Variants in BCORL1 observed in about 807,000 individuals in gnomAD.
BCORL1 encodes the protein BCL-6 corepressor-like protein 1.
In BCORL1, 7 loss-of-function variants were observed where a neutral mutation model predicts 87.6. The observed-to-expected ratio is 0.08, with a 90% CI of 0.05 to 0.15. The LOEUF is 0.15. Ranked by LOEUF, BCORL1 falls within the 10% of genes least tolerant of loss-of-function variation. BCORL1 has a pLI of 1.00. For synonymous variants in BCORL1, 591 were observed against 634.4 expected (o/e 0.93, Z 1.03); for missense variants, 1,215 against 1,499.7 (o/e 0.81, Z 3.13).
At chrX:130,051,692 A>T (rs1469181510) in intron 12 of BCORL1, among the ~76,000 whole-genome samples, 168 bp from the exon 13 acceptor site, 1 of 112,069 alleles carries the variant, frequency 8.9e-6, no homozygotes, top group Admixed American at 9.5e-5. Flanking sequence ...CCTCTGAAGG[A>T]TGTGAGCCAT....
chrX:129,997,936 G>C (rs1271431905), intron 1 of BCORL1, among the ~76,000 whole-genome samples: 2 of 106,921 alleles, frequency 1.9e-5, no homozygotes, highest in Non-Finnish European at 3.8e-5. Flanking sequence ...CTGGGATCTT[G>C]GGTAGGCCTT....
chrX:130,017,437 C>T (rs1433317318), intron 4 of BCORL1, among the ~76,000 whole-genome samples: 1 of 110,821 alleles, frequency 9.0e-6, no homozygotes, highest in African/African-American at 3.3e-5. Context: ...TGTGTTTTTA[C>T]ATTTGTTATC....
chrX:130,013,002 A>C lies in BCORL1; in HGVS notation c.230A>C (p.Asp77Ala). Residue 77 changes from aspartate to alanine, a missense_variant, in exon 4 of 14, where the codon GAT (aspartate) becomes GCT (alanine). By Grantham distance (126) the Asp-to-Ala change is moderately radical (BLOSUM62 -2). Transcript: ENST00000540052. The part of the protein sequence containing the change: ...SGSNARGADP[D>A]GSATEKLGHK... ...AGCAATGCCCGGGGGGCAGACCCAG[A>C]TGGCAGTGCTACAGAAAAACTTGGG... 6.6e-6 allele frequency: 8 copies of C among 1,207,076 alleles called. 1 individual carries two copies. Among genetic ancestry groups the C allele is most frequent in the Non-Finnish European group, 9.0e-6 (8 of 891,860 alleles).
At chrX:129,998,009 A>AT (rs1409388043) in intron 1 of BCORL1, among the ~76,000 whole-genome samples, 11 of 99,240 alleles carry the variant, frequency 1.1e-4, no homozygotes, top group South Asian at 4.5e-4. Context: ...ATATATATGT[A>AT]TTTTTTTTTC....
chrX:130,044,477 T>A (rs909609478), intron 11 of BCORL1, among the ~76,000 whole-genome samples: 1 of 110,421 alleles, frequency 9.1e-6, no homozygotes, highest in Non-Finnish European at 1.9e-5. Flanking sequence ...TGGAAAGTTG[T>A]CGGGGGAATC....
At chrX:130,043,774 ATATATATATATT>A (rs1931530537) in intron 11 of BCORL1, among the ~76,000 whole-genome samples, 1 of 20,158 alleles carries the variant, frequency 5.0e-5, no homozygotes, top group African/African-American at 3.7e-4. Flanking sequence ...ATATATATAT[ATATATATATATT>A]TTTTTTTTTT....
At chrX:129,998,455 G>A (rs1927738801) in intron 1 of BCORL1, among the ~76,000 whole-genome samples, 1 of 111,650 alleles carries the variant, frequency 9.0e-6, no homozygotes, top group African/African-American at 3.3e-5. Context: ...CAGCGCTTAC[G>A]AAGTGTGGCA....
At chrX:130,051,839 C>G (rs745340681) in intron 12 of BCORL1, 21 bp from the exon 13 acceptor site, 1 of 1,161,834 alleles carries the variant, frequency 8.6e-7, no homozygotes, top group East Asian at 3.0e-5. Flanking sequence ...AGTCCTAATC[C>G]CCTATATGCT....
chrX:129,986,734 G>T (rs182579498), intron 1 of BCORL1, among the ~76,000 whole-genome samples: 98 of 111,779 alleles, frequency 8.8e-4, no homozygotes, highest in African/African-American at 3.1e-3. Context: ...CACAAGAATT[G>T]CTTGAACCTG....
chrX:130,033,201 C>T (rs1930734798), intron 8 of BCORL1, among the ~76,000 whole-genome samples: 1 of 109,933 alleles, frequency 9.1e-6, no homozygotes, highest in Non-Finnish European at 1.9e-5. Context: ...CATGCCTCAG[C>T]CTCCTGAGTA....
chrX:130,034,922 G>A (rs761158846), intron 9 of BCORL1, among the ~76,000 whole-genome samples: 1 of 111,665 alleles, frequency 9.0e-6, no homozygotes, highest in Admixed American at 9.6e-5. Context: ...GACCAGGAAC[G>A]CAATTTTTGG....
chrX:129,997,794 C>CAAAAAA, intron 1 of BCORL1, among the ~76,000 whole-genome samples: 1 of 28,971 alleles, frequency 3.5e-5, no homozygotes, highest in Non-Finnish European at 6.5e-5. Context: ...TCCGACTCAC[C>CAAAAAA]AAAAAAAAAA....
intron 4 of BCORL1, among the ~76,000 whole-genome samples, chrX:130,019,002 C>A (rs1319967741): frequency 8.9e-6 from 1 of 112,067 alleles, no homozygotes; most frequent in African/African-American, 3.2e-5. Context: ...TCCTAAAGGG[C>A]CTTCTGCATC....
At chrX:130,054,866 G>A (rs1478478744) in intron 13 of BCORL1, among the ~76,000 whole-genome samples, 2 of 110,974 alleles carry the variant, frequency 1.8e-5, no homozygotes, top group Non-Finnish European at 3.8e-5. Flanking sequence ...AGCCGAGATT[G>A]CGCCACTGCA....
At chrX:130,002,469 G>A (rs1315535682) in intron 1 of BCORL1, among the ~76,000 whole-genome samples, 2 of 103,434 alleles carry the variant, frequency 1.9e-5, no homozygotes, top group Non-Finnish European at 3.9e-5. Context: ...AGGCAGACTA[G>A]GAGGAAAAGA....
chrX:130,050,330 C>T (rs964363880), intron 11 of BCORL1, among the ~76,000 whole-genome samples: 3 of 109,105 alleles, frequency 2.7e-5, no homozygotes, highest in African/African-American at 6.7e-5. Flanking sequence ...CTCAGTTACT[C>T]GGGAGGCTGA....
chrX:129,983,779 G>C (rs1926342634), intron 1 of BCORL1, among the ~76,000 whole-genome samples: 1 of 110,156 alleles, frequency 9.1e-6, no homozygotes, highest in Non-Finnish European at 1.9e-5. Context: ...ATTCATACTA[G>C]CACCGGCAAG....
chrX:129,983,935 C>A (rs1206711596), intron 1 of BCORL1, among the ~76,000 whole-genome samples: 1 of 109,682 alleles, frequency 9.1e-6, no homozygotes, highest in African/African-American at 3.3e-5. Context: ...TCCCCCGGCC[C>A]TTGGAGAAGG....
chrX:130,022,561 G>T (rs1293579829), intron 5 of BCORL1, among the ~76,000 whole-genome samples: 2 of 111,106 alleles, frequency 1.8e-5, no homozygotes, highest in Admixed American at 9.6e-5. Context: ...CTTTGTTGAG[G>T]TGCAGCAGCC....
Sources: gnomAD v4.1 joint callset for allele counts (sites outside exome capture counted in the v4.1 genomes callset) on GRCh38, gnomAD v4.1.1 for gene constraint, MANE v1.5 for transcripts, NCBI Gene and HGNC (gene_info 2026-07-23, HGNC 2026-07-21) for gene names.